The following HS6ST3 variants were observed in gnomAD, a reference collection of about 807,000 sequenced individuals.
The protein encoded by HS6ST3 is heparan sulfate 6-O-sulfotransferase 3, also known as heparan-sulfate 6-O-sulfotransferase 3.
HS6ST3 carries 12 observed loss-of-function variants against 36.7 expected under a neutral mutation model. The observed-to-expected ratio is 0.33, with a 90% CI of 0.21 to 0.53. The LOEUF (loss-of-function observed/expected upper bound fraction) is 0.53, where lower values mean the gene tolerates loss of function less well. HS6ST3 is among the 20% of genes least tolerant of loss of function. The pLI, the probability that HS6ST3 is intolerant of heterozygous loss-of-function variation, is 0.95. For missense variants in HS6ST3, 584 were observed against 640.9 expected (o/e 0.91, Z 0.96); for synonymous variants, 240 against 257.5 (o/e 0.93, Z 0.65).
At chr13:96,185,849 T>C (rs980974284) in intron 1 of HS6ST3, among the ~76,000 whole-genome samples, 1 of 152,188 alleles carries the variant, frequency 6.6e-6, no homozygotes, top group Non-Finnish European at 1.5e-5. Context: ...CGTTTGGTAA[T>C]GGGAGACCAT....
intron 1 of HS6ST3, among the ~76,000 whole-genome samples, chr13:96,109,523 T>C (rs923093578): frequency 9.2e-5 from 14 of 152,222 alleles, no homozygotes; most frequent in African/African-American, 3.4e-4. Context: ...CAGATTGGCC[T>C]GTGTTTTGTC....
intron 1 of HS6ST3, among the ~76,000 whole-genome samples, chr13:96,099,677 A>C (rs2053808622): frequency 6.6e-6 from 1 of 152,128 alleles, no homozygotes; most frequent in Non-Finnish European, 1.5e-5. Context: ...CTTGCATTTG[A>C]CATTGTGTAT....
At chr13:96,347,926 G>A (rs2055163670) in intron 1 of HS6ST3, among the ~76,000 whole-genome samples, 1 of 152,224 alleles carries the variant, frequency 6.6e-6, no homozygotes, top group Admixed American at 6.5e-5. Flanking sequence ...TTTCCCAGTA[G>A]GCTTCAGGCC....
intron 1 of HS6ST3, among the ~76,000 whole-genome samples, chr13:96,569,371 T>C (rs564868847): frequency 7.9e-4 from 121 of 152,288 alleles, no homozygotes; most frequent in Admixed American, 1.4e-3. Flanking sequence ...GCCAGCCACC[T>C]TGCCATAAGT....
intron 1 of HS6ST3, among the ~76,000 whole-genome samples, chr13:96,290,937 A>G (rs924436681): frequency 1.3e-5 from 2 of 152,084 alleles, no homozygotes; most frequent in African/African-American, 2.4e-5. Context: ...GGGCCTTTGC[A>G]CTTGCTGGTA....
At chr13:96,574,177 G>T in intron 1 of HS6ST3, 1 of 521,338 alleles carries the variant, frequency 1.9e-6, no homozygotes, top group Non-Finnish European at 3.9e-6. Flanking sequence ...TCTGAGAGGG[G>T]CTGCGTAAGC....
intron 1 of HS6ST3, among the ~76,000 whole-genome samples, chr13:96,135,274 A>C (rs560448666): frequency 1.3e-5 from 2 of 152,134 alleles, no homozygotes; most frequent in East Asian, 3.8e-4. Context: ...GGCTGCAGTT[A>C]TCACCGTGGA....
At chr13:96,828,359 A>G (rs1160184838) in intron 1 of HS6ST3, among the ~76,000 whole-genome samples, 1 of 152,212 alleles carries the variant, frequency 6.6e-6, no homozygotes, top group Admixed American at 6.5e-5. Flanking sequence ...TGACAAGTAG[A>G]ATAACATTGT....
At chr13:96,532,466 T>C (rs1489191764) in intron 1 of HS6ST3, among the ~76,000 whole-genome samples, 1 of 152,202 alleles carries the variant, frequency 6.6e-6, no homozygotes, top group Non-Finnish European at 1.5e-5. Context: ...AAGTATTTGC[T>C]AACTATGGGA....
chr13:96,740,905 A>G (rs1385801847), intron 1 of HS6ST3, among the ~76,000 whole-genome samples: 1 of 152,204 alleles, frequency 6.6e-6, no homozygotes, highest in East Asian at 1.9e-4. Flanking sequence ...AGGCTGAGGC[A>G]GAAACAATAC....
chr13:96,269,489 G>C (rs945390110), intron 1 of HS6ST3, among the ~76,000 whole-genome samples: 1 of 151,962 alleles, frequency 6.6e-6, no homozygotes, highest in Non-Finnish European at 1.5e-5. Context: ...GAGACAAGGT[G>C]GGGGGAAGTC....
At chr13:96,495,824 C>T (rs2055972185) in intron 1 of HS6ST3, among the ~76,000 whole-genome samples, 1 of 152,144 alleles carries the variant, frequency 6.6e-6, no homozygotes, top group Admixed American at 6.5e-5. Context: ...GTGAGCAAAA[C>T]ATCATAAAAA....
intron 1 of HS6ST3, among the ~76,000 whole-genome samples, chr13:96,645,750 G>A (rs1337967902): frequency 6.6e-6 from 1 of 151,756 alleles, no homozygotes; most frequent in Non-Finnish European, 1.5e-5. Flanking sequence ...GTTGTTTTGA[G>A]GGTAGCTCTA....
intron 1 of HS6ST3, among the ~76,000 whole-genome samples, chr13:96,471,347 T>G (rs2055839336): frequency 6.6e-6 from 1 of 152,232 alleles, no homozygotes; most frequent in Non-Finnish European, 1.5e-5. Flanking sequence ...ATCCTTTTCC[T>G]TCTTCTGAGT....
intron 1 of HS6ST3, among the ~76,000 whole-genome samples, chr13:96,604,165 C>A (rs1336063376): frequency 6.6e-6 from 1 of 152,118 alleles, no homozygotes; most frequent in African/African-American, 2.4e-5. Flanking sequence ...CGGCCATCTG[C>A]TCTTTTCTCC....
chr13:96,687,272 G>T (rs1874809159), intron 1 of HS6ST3, among the ~76,000 whole-genome samples: 2 of 151,978 alleles, frequency 1.3e-5, no homozygotes, highest in Non-Finnish European at 2.9e-5. Context: ...TTTCAAGGCA[G>T]GCTATTAAAA....
Position 96,799,980 on chromosome 13 carries a change from A to ATATG in HS6ST3, c.708-32509_708-32508insATGT, listed in dbSNP as rs1555325253. ...TATATATATGTGTATATATATATAT[A>ATATG]TGTATATATATATATATGTATATAT... On this transcript the variant is annotated intron_variant, in intron 1 of 1. Transcript: ENST00000376705. 5.2e-5 allele frequency among the ~76,000 whole-genome samples: 4 copies of ATATG among 76,620 alleles called. No homozygotes were observed. In the East Asian group the frequency reaches 1.3e-3, roughly 24 times the overall value. The allele number at this position is 76,620 out of a possible 152,430, so 50.3% of individuals were successfully genotyped here.
chr13:96,315,174 C>T (rs2054962114), intron 1 of HS6ST3, among the ~76,000 whole-genome samples: 1 of 152,110 alleles, frequency 6.6e-6, no homozygotes, highest in South Asian at 2.1e-4. Context: ...AGTGTCTGCA[C>T]AAAGGATTTA....
intron 1 of HS6ST3, among the ~76,000 whole-genome samples, chr13:96,793,777 C>G (rs1221299456): frequency 4.6e-5 from 7 of 151,990 alleles, no homozygotes; most frequent in Admixed American, 1.3e-4. Flanking sequence ...CACATATTGT[C>G]ATCCTGGGAT....
Sources: allele counts gnomAD v4.1 joint callset (sites outside exome capture counted in the v4.1 genomes callset), GRCh38; gene constraint gnomAD v4.1.1; transcripts MANE v1.5; gene names NCBI Gene and HGNC (gene_info 2026-07-23, HGNC 2026-07-21).